The following C3orf52 variants were observed in gnomAD, a reference collection of about 807,000 sequenced individuals.
C3orf52 encodes chromosome 3 open reading frame 52, also known as TPA-induced transmembrane protein.
C3orf52 carries 22 observed loss-of-function variants against 24.8 expected under a neutral mutation model. That is an observed-to-expected ratio of 0.89 (90% CI 0.63 to 1.27). C3orf52 has a LOEUF of 1.27. C3orf52 is among the 50% of genes most tolerant of loss of function. C3orf52 has a pLI of 0.00. For synonymous variants in C3orf52, 93 were observed against 100.2 expected, an observed-to-expected ratio of 0.93 and a Z score of 0.43; for missense variants, 265 against 260.7, an observed-to-expected ratio of 1.02 and a Z score of -0.11.
intron 4 of C3orf52, among the ~76,000 whole-genome samples, chr3:112,112,636 A>T (rs1367664898): frequency 6.6e-6 from 1 of 152,130 alleles, no homozygotes; most frequent in Non-Finnish European, 1.5e-5. Flanking sequence ...TGGGGTTGGG[A>T]CAGATGGTGG....
downstream of C3orf52, among the ~76,000 whole-genome samples, chr3:112,120,082 TATG>T (rs1279725584): frequency 3.3e-5 from 5 of 152,308 alleles, no homozygotes; most frequent in South Asian, 4.1e-4. Context: ...GGAGGCTTTC[TATG>T]ATGATGATGA....
At chr3:112,120,163 GGT>G (rs1239060965), downstream of C3orf52, among the ~76,000 whole-genome samples, 3 of 152,192 alleles carry the variant, frequency 2.0e-5, no homozygotes, top group African/African-American at 7.2e-5. Flanking sequence ...AATTTACACT[GGT>G]CCACTTCACA....
intron 2 of C3orf52, among the ~76,000 whole-genome samples, chr3:112,094,736 A>C (rs2073911057): frequency 6.6e-6 from 1 of 152,230 alleles, no homozygotes. Context: ...TAAAGTTTTT[A>C]CATCCTCCAG....
At chr3:112,107,816 C>T (rs944269450) in intron 3 of C3orf52, among the ~76,000 whole-genome samples, 2 of 151,156 alleles carry the variant, frequency 1.3e-5, no homozygotes, top group African/African-American at 4.9e-5. Flanking sequence ...AGCAGGCACT[C>T]TCATCTTTTG....
At position 112,090,460 on chromosome 3, in the gene C3orf52, A is replaced by G. The variant is rs190879055; in HGVS notation, c.139-2900A>G. Among the ~76,000 whole-genome samples, 4 of 150,328 alleles carry G rather than the reference A, an allele frequency of 2.7e-5. No homozygotes were observed. The East Asian group carries it at 5.9e-4, about 22-fold the overall frequency. Reference sequence around the variant, plus strand: ...CAGGTGTAAACCGTCATGTCTGGCTATTTTTTTATTTTTATTTTTTGTTGT... The same window carrying G: ...CAGGTGTAAACCGTCATGTCTGGCTGTTTTTTTATTTTTATTTTTTGTTGT... On this transcript the variant is annotated intron_variant, in intron 1 of 5. Coordinates refer to ENST00000264848, the MANE Select transcript of C3orf52 (RefSeq NM_024616.3).
At chr3:112,095,198 G>A (rs999150283) in intron 2 of C3orf52, among the ~76,000 whole-genome samples, 5 of 152,170 alleles carry the variant, frequency 3.3e-5, no homozygotes, top group East Asian at 3.9e-4. Context: ...GTTAAGGTAG[G>A]AAAAAGCTAA....
intron 1 of C3orf52, among the ~76,000 whole-genome samples, chr3:112,090,696 G>A (rs1384891897): frequency 6.6e-6 from 1 of 152,146 alleles, no homozygotes; most frequent in East Asian, 1.9e-4. Context: ...ACACACCAGA[G>A]TCCTAATTTG....
chr3:112,112,714 T>TAGAGGTA, intron 4 of C3orf52: 1 of 487,450 alleles, frequency 2.1e-6, no homozygotes, highest in Non-Finnish European at 3.9e-6. Flanking sequence ...TCTGATGGCC[T>TAGAGGTA]CTCCCAGTGG....
intron 1 of C3orf52, among the ~76,000 whole-genome samples, chr3:112,088,537 C>A (rs1462699628): frequency 7.1e-6 from 1 of 139,962 alleles, no homozygotes; most frequent in East Asian, 2.1e-4. Context: ...ATTGAAGATG[C>A]TGAGTGAAGA....
At chr3:112,133,186 C>G (rs1460213959), downstream of C3orf52, 9 of 1,561,154 alleles carry the variant, frequency 5.8e-6, no homozygotes, top group Non-Finnish European at 7.9e-6. Flanking sequence ...TGTGCTCTGA[C>G]AGGGCAACTC....
At chr3:112,106,687 T>G (rs948471689) in intron 3 of C3orf52, among the ~76,000 whole-genome samples, 1 of 152,102 alleles carries the variant, frequency 6.6e-6, no homozygotes, top group African/African-American at 2.4e-5. Context: ...TATATCACAG[T>G]ATTGGAACTT....
At chr3:112,092,098 T>C (rs1416494184) in intron 1 of C3orf52, among the ~76,000 whole-genome samples, 1 of 151,950 alleles carries the variant, frequency 6.6e-6, no homozygotes, top group African/African-American at 2.4e-5. Context: ...TGCCGGCTGC[T>C]GCTTTGTGGG....
chr3:112,117,131 C>A lies in C3orf52; in HGVS notation c.*485C>A. The A allele has an allele frequency of 1.8e-6, 1 of 568,814 alleles. No homozygotes were observed. Among genetic ancestry groups the A allele is most frequent in the Admixed American group, 3.1e-5 (1 of 32,274 alleles). 35.2% of individuals were successfully genotyped at this position (568,814 alleles called of 1,614,324 possible). ...CGCGTAAGCATGAGCTGGTAGAGCA[C>A]GGAGAGGCAGGCAGCCAGGTTACGA... On this transcript the variant is annotated 3_prime_UTR_variant, in exon 6 of 6. Transcript: ENST00000264848.
intron 4 of C3orf52, 87 bp from the exon 5 acceptor site, chr3:112,112,876 TA>T (rs76778672): frequency 0.2 from 157,964 of 806,070 alleles, no homozygotes; most frequent in South Asian, 0.23. Flanking sequence ...CATGCAAAAC[TA>T]AAAAAAAAAA....
At position 112,117,080 on chromosome 3, in the gene C3orf52, G is replaced by T; in HGVS notation, c.*434G>T. ...GGGCTACTTTTTCTTTAGTGCAGAG[G>T]TGCACTGTCTTCTTTTAGGTGGGAT... On this transcript the variant is annotated 3_prime_UTR_variant, in exon 6 of 6. Coordinates refer to ENST00000264848, the MANE Select transcript of C3orf52 (RefSeq NM_024616.3). 1 of 668,232 alleles carries T rather than the reference G, an allele frequency of 1.5e-6. No homozygotes were observed. The allele number at this position is 668,232 out of a possible 1,614,324, so 41.4% of individuals were successfully genotyped here.
intron 3 of C3orf52, among the ~76,000 whole-genome samples, chr3:112,105,720 G>C (rs1298676949): frequency 6.6e-6 from 1 of 151,888 alleles, no homozygotes; most frequent in African/African-American, 2.4e-5. Context: ...AGTTACGGGA[G>C]GCTGAGGCAG....
intron 2 of C3orf52, among the ~76,000 whole-genome samples, chr3:112,100,944 A>C (rs538639464): frequency 2.8e-4 from 42 of 152,362 alleles, no homozygotes; most frequent in African/African-American, 9.6e-4. Context: ...CCTTAAATAT[A>C]TAATATCAAG....
chr3:112,135,025 C>G (rs1188596553), downstream of C3orf52: 5 of 154,820 alleles, frequency 3.2e-5, no homozygotes. Flanking sequence ...TGTTCTTTAT[C>G]TTGATTGTGT....
intron 4 of C3orf52, among the ~76,000 whole-genome samples, chr3:112,126,344 G>C (rs188727473): frequency 1.6e-3 from 236 of 152,204 alleles, no homozygotes; most frequent in Non-Finnish European, 2.9e-3. Flanking sequence ...GAAACACAAT[G>C]GCTTGTCCTC....
Sources: allele counts gnomAD v4.1 joint callset (sites outside exome capture counted in the v4.1 genomes callset), GRCh38; gene constraint gnomAD v4.1.1; transcripts MANE v1.5; gene names NCBI Gene and HGNC (gene_info 2026-07-23, HGNC 2026-07-21).